The following PAPPA variants were observed in gnomAD, a reference collection of about 807,000 sequenced individuals.
PAPPA encodes pappalysin 1.
PAPPA carries 60 observed loss-of-function variants against 164.0 expected under a neutral mutation model. The observed-to-expected ratio is 0.37, with a 90% CI of 0.30 to 0.45. The LOEUF (loss-of-function observed/expected upper bound fraction) is 0.45, where lower values mean the gene tolerates loss of function less well. PAPPA is among the 20% of genes least tolerant of loss of function. The pLI is 1.00. For synonymous variants in PAPPA, 875 were observed against 814.1 expected, an observed-to-expected ratio of 1.07 and a Z score of -1.27; for missense variants, 1,782 against 2,087.3, an observed-to-expected ratio of 0.85 and a Z score of 2.85.
Position 116,236,166 on chromosome 9 carries a change from T to C in PAPPA, c.2732+529T>C, listed in dbSNP as rs1407068056. 2.6e-5 allele frequency among the ~76,000 whole-genome samples: 4 copies of C among 152,302 alleles called. No individual in the cohort carries two copies. The East Asian group carries it at 7.7e-4, about 29-fold the overall frequency. The stretch of plus-strand genomic sequence containing the variant: ...TATCAACTTTAACAGCACTTGTTTT[T>C]GTCTTATTTCCTGAGGCAGAACAGT... On this transcript the variant is annotated intron_variant, in intron 7 of 21. Coordinates refer to ENST00000328252, the MANE Select transcript of PAPPA (RefSeq NM_002581.5).
rs561692575 is a variant in PAPPA, at chr9:116,269,304, G to A, written c.2862-2021G>A. Among the ~76,000 whole-genome samples, 45 of 152,246 alleles carry A rather than the reference G, an allele frequency of 3.0e-4. No homozygotes were observed. The South Asian group carries it at 9.1e-3, about 31-fold the overall frequency. On this transcript the variant is annotated intron_variant, in intron 8 of 21. Transcript: ENST00000328252. ...GATGTAGAACCAATACATGAACAGA[G>A]GGCCCAGATTCTCATCTGGATTCCC...
rs566105073 is a variant in PAPPA, at chr9:116,322,619, T to C, written c.3148-8625T>C. ...GTCTCCCAGCAGGCTTTCCCTCCTG[T>C]AGTCCTCAGGACCCTTAAGAATCTT... On this transcript the variant is annotated intron_variant, in intron 10 of 21. Coordinates refer to ENST00000328252, the MANE Select transcript of PAPPA (RefSeq NM_002581.5). Among the ~76,000 whole-genome samples the C allele has an allele frequency of 2.3e-4, 35 of 152,272 alleles. No homozygotes were observed. In the East Asian group the frequency reaches 6.6e-3, roughly 29 times the overall value.
At chr9:116,174,591 A>G (rs1400591461) in intron 1 of PAPPA, among the ~76,000 whole-genome samples, 2 of 152,188 alleles carry the variant, frequency 1.3e-5, no homozygotes, top group Non-Finnish European at 2.9e-5. Context: ...GATGAAAACA[A>G]GGCTGATGAC....
intron 7 of PAPPA, among the ~76,000 whole-genome samples, chr9:116,263,199 C>T (rs751904062): frequency 6.6e-6 from 1 of 152,152 alleles, no homozygotes; most frequent in Non-Finnish European, 1.5e-5. Flanking sequence ...GGTTTCTGTA[C>T]TAATCAAATA....
chr9:116,248,763 T>C (rs1227641410), intron 7 of PAPPA, among the ~76,000 whole-genome samples: 1 of 152,226 alleles, frequency 6.6e-6, no homozygotes, highest in Non-Finnish European at 1.5e-5. Flanking sequence ...ATCATGTAGA[T>C]GGTCAATAAA....
chr9:116,187,779 C>T lies in PAPPA; in HGVS notation c.1041C>T (p.Phe347=), dbSNP rs1395498422. The T allele has an allele frequency of 1.2e-6, 2 of 1,614,134 alleles. No homozygotes were observed. The highest frequency in any genetic ancestry group is 2.7e-5 in the African/African-American group (2 of 74,954). ...VIASYNQLSS[F]RQPKVVRYRV... ...CCAGCTACAATCAGCTCTCAAGTTT[C>T]CGCCAGCCCAAGGTGGTGCGCTACC... Residue 347 remains phenylalanine (F), a synonymous_variant, in exon 2 of 22, where the codon TTC becomes TTT. Coordinates refer to ENST00000328252, the MANE Select transcript of PAPPA (RefSeq NM_002581.5). This position sits in a 1 kb window ranked among gnomAD's most constrained non-coding sequence, Gnocchi z 4.2.
intron 17 of PAPPA, among the ~76,000 whole-genome samples, chr9:116,358,071 A>C (rs1243896455): frequency 6.6e-6 from 1 of 152,136 alleles, no homozygotes; most frequent in Non-Finnish European, 1.5e-5. Context: ...GGGTTGTTAA[A>C]TGTTTGGCCA....
chr9:116,246,658 T>C (rs1844800124), intron 7 of PAPPA, among the ~76,000 whole-genome samples: 1 of 152,130 alleles, frequency 6.6e-6, no homozygotes. Context: ...ATGTTTCTCC[T>C]CAGAAATGAT....
At chr9:116,222,686 G>T (rs1844460233) in intron 5 of PAPPA, among the ~76,000 whole-genome samples, 1 of 152,128 alleles carries the variant, frequency 6.6e-6, no homozygotes, top group African/African-American at 2.4e-5. Context: ...ACCACCAGAG[G>T]CAGGTGGGGT....
At chr9:116,178,054 G>A (rs1440055039) in intron 1 of PAPPA, among the ~76,000 whole-genome samples, 1 of 152,090 alleles carries the variant, frequency 6.6e-6, no homozygotes, top group African/African-American at 2.4e-5. Context: ...ACAAAAAGGG[G>A]GGAAATAATC....
Position 116,396,514 on chromosome 9 carries a change from C to A in PAPPA, c.4782C>A (p.Thr1594=). The A allele has an allele frequency of 1.3e-6, 1 of 780,736 alleles. No homozygotes were observed. The highest frequency in any genetic ancestry group is 2.4e-6 in the Non-Finnish European group (1 of 417,944). The allele number at this position is 780,736 out of a possible 1,614,324, so 48.4% of individuals were successfully genotyped here. ...CTSTVKTKKV[T]PFPMSCDLQG... Reference sequence around the variant, plus strand: ...TTCACTTCTTCTTTCTGCAGGTCACCCCATTCCCTATGTCCTGTGATCTAC... The same window carrying A: ...TTCACTTCTTCTTTCTGCAGGTCACACCATTCCCTATGTCCTGTGATCTAC... The change falls in exon 22 of 22, where the codon ACC becomes ACA. Residue 1594 remains threonine, a synonymous_variant. Coordinates refer to ENST00000328252, the MANE Select transcript of PAPPA (RefSeq NM_002581.5).
At chr9:116,291,717 A>G (rs1335134061) in intron 9 of PAPPA, among the ~76,000 whole-genome samples, 1 of 152,092 alleles carries the variant, frequency 6.6e-6, no homozygotes, top group East Asian at 1.9e-4. Context: ...ATAGCCAGGT[A>G]GTTTTCTTGA....
intron 3 of PAPPA, among the ~76,000 whole-genome samples, chr9:116,210,172 A>T (rs990825481): frequency 6.6e-6 from 1 of 151,868 alleles, no homozygotes; most frequent in African/African-American, 2.4e-5. Flanking sequence ...CCCTTCTCAT[A>T]CCCAAGTGAA....
At chr9:116,209,360 C>T (rs1179888860) in intron 3 of PAPPA, among the ~76,000 whole-genome samples, 1 of 152,092 alleles carries the variant, frequency 6.6e-6, no homozygotes, top group East Asian at 1.9e-4. Context: ...TAAGCAGGTC[C>T]TAGGAGGCCA....
chr9:116,175,789 G>A (rs549361789), intron 1 of PAPPA, among the ~76,000 whole-genome samples: 12 of 152,272 alleles, frequency 7.9e-5, no homozygotes, highest in East Asian at 3.9e-4. Context: ...GTCGAGTGGG[G>A]GAGAGTACCA....
intron 1 of PAPPA, among the ~76,000 whole-genome samples, chr9:116,156,708 T>TA (rs1052361704): frequency 5.3e-5 from 8 of 152,170 alleles, no homozygotes; most frequent in African/African-American, 1.9e-4. Context: ...TGGCGGCGTG[T>TA]AAACACCTGG....
chr9:116,279,155 A>T (rs1450642329), intron 9 of PAPPA, among the ~76,000 whole-genome samples: 1 of 152,202 alleles, frequency 6.6e-6, no homozygotes, highest in Non-Finnish European at 1.5e-5. Flanking sequence ...TTAGGATTTA[A>T]ATCCCAGGTT....
intron 9 of PAPPA, among the ~76,000 whole-genome samples, chr9:116,284,397 T>C (rs1377654138): frequency 6.6e-6 from 1 of 152,112 alleles, no homozygotes; most frequent in East Asian, 1.9e-4. Flanking sequence ...CCTCTTCTGT[T>C]TTTCTTAACT....
intron 3 of PAPPA, among the ~76,000 whole-genome samples, chr9:116,209,716 G>T (rs1304977490): frequency 6.6e-6 from 1 of 152,212 alleles, no homozygotes; most frequent in Admixed American, 6.5e-5. Context: ...TAGACATTAA[G>T]TCTGCAATCC....
Sources: gnomAD v4.1 joint callset for allele counts (sites outside exome capture counted in the v4.1 genomes callset) on GRCh38, gnomAD v4.1.1 for gene constraint, Gnocchi (gnomAD v3.1) non-coding constraint, MANE v1.5 for transcripts, NCBI Gene and HGNC (gene_info 2026-07-23, HGNC 2026-07-21) for gene names.